Variants in GRIK2 observed in about 807,000 individuals in gnomAD.
GRIK2 encodes the protein glutamate ionotropic receptor kainate type subunit 2.
GRIK2 carries 32 observed loss-of-function variants against 100.3 expected under a neutral mutation model. The observed-to-expected ratio is 0.32, with a 90% confidence interval of 0.24 to 0.43. The LOEUF (loss-of-function observed/expected upper bound fraction) is 0.43, where lower values mean the gene tolerates loss of function less well. GRIK2 is among the 20% of genes least tolerant of loss of function. The pLI is 1.00. For missense variants in GRIK2, 843 were observed against 1,114.9 expected (o/e 0.76, Z 3.47); for synonymous variants, 417 against 389.4 (o/e 1.07, Z -0.83).
At chr6:101,906,026 CAAATATT>C (rs1168029928) in intron 12 of GRIK2, among the ~76,000 whole-genome samples, 2 of 151,502 alleles carry the variant, frequency 1.3e-5, no homozygotes, top group Non-Finnish European at 3.0e-5. Context: ...TTTCTTAACT[CAAATATT>C]AAAGTGCGTT....
chr6:101,685,861 A>T (rs976693953), intron 6 of GRIK2, among the ~76,000 whole-genome samples: 1 of 152,186 alleles, frequency 6.6e-6, no homozygotes, highest in Non-Finnish European at 1.5e-5. Flanking sequence ...ATTAACACAT[A>T]AAATAAGGGC....
intron 16 of GRIK2, among the ~76,000 whole-genome samples, chr6:102,060,480 A>G (rs527302966): frequency 2.0e-5 from 3 of 150,796 alleles, no homozygotes; most frequent in Admixed American, 6.6e-5. Context: ...TCTGTATTTC[A>G]TGGAAACAGA....
intron 7 of GRIK2, among the ~76,000 whole-genome samples, chr6:101,712,341 C>T (rs1003070912): frequency 6.6e-6 from 1 of 151,780 alleles, no homozygotes; most frequent in Non-Finnish European, 1.5e-5. Flanking sequence ...CTAACAAGAT[C>T]CTCAGTGATT....
intron 2 of GRIK2, among the ~76,000 whole-genome samples, chr6:101,588,489 GGT>G (rs137929583): frequency 1 from 152,102 of 152,102 alleles, 76,051 homozygotes; most frequent in Non-Finnish European, 1. Context: ...TCTAAGATAA[GGT>G]TGGAGTAGCA....
At chr6:101,659,201 G>A (rs187958455) in intron 4 of GRIK2, among the ~76,000 whole-genome samples, 1 of 152,256 alleles carries the variant, frequency 6.6e-6, no homozygotes, top group Non-Finnish European at 1.5e-5. Flanking sequence ...AAAGAATAAG[G>A]AAGGGATCCA....
intron 2 of GRIK2, among the ~76,000 whole-genome samples, chr6:101,618,336 A>C (rs996986357): frequency 6.6e-6 from 1 of 151,472 alleles, no homozygotes; most frequent in Admixed American, 6.6e-5. Context: ...TTTCTCTATT[A>C]ATTTTTCATC....
chr6:101,465,768 C>T (rs745438987), intron 2 of GRIK2, among the ~76,000 whole-genome samples: 4 of 152,090 alleles, frequency 2.6e-5, no homozygotes, highest in South Asian at 2.1e-4. Flanking sequence ...AGCGGGACAC[C>T]GATGTTATTT....
At chr6:101,810,567 C>A (rs774926069) in intron 9 of GRIK2, among the ~76,000 whole-genome samples, 1 of 152,032 alleles carries the variant, frequency 6.6e-6, no homozygotes, top group Admixed American at 6.6e-5. Context: ...CAGACAATTG[C>A]TCTGGACTCA....
chr6:101,661,626 G>T (rs182825321), intron 4 of GRIK2, among the ~76,000 whole-genome samples: 3 of 152,228 alleles, frequency 2.0e-5, no homozygotes, highest in Non-Finnish European at 4.4e-5. Context: ...GGAATCTCCT[G>T]GTCTGGTGGT....
intron 9 of GRIK2, among the ~76,000 whole-genome samples, chr6:101,810,794 G>A (rs1208676044): frequency 6.6e-6 from 1 of 151,934 alleles, no homozygotes; most frequent in Non-Finnish European, 1.5e-5. Context: ...AGTGAAGTAA[G>A]GAAAACAAAA....
chr6:101,954,067 G>A (rs528815953), intron 14 of GRIK2, among the ~76,000 whole-genome samples: 2 of 152,214 alleles, frequency 1.3e-5, no homozygotes, highest in East Asian at 3.9e-4. Flanking sequence ...TGACCATAAT[G>A]TAAGGGTTTA....
At chr6:101,641,894 G>A (rs1431664953) in intron 4 of GRIK2, among the ~76,000 whole-genome samples, 1 of 151,736 alleles carries the variant, frequency 6.6e-6, no homozygotes, top group Non-Finnish European at 1.5e-5. Flanking sequence ...TTTTATGTGG[G>A]GTAGAGTAAA....
At chr6:101,877,954 G>A (rs538064968) in intron 11 of GRIK2, among the ~76,000 whole-genome samples, 118 of 151,380 alleles carry the variant, frequency 7.8e-4, no homozygotes, top group South Asian at 1.5e-3. Flanking sequence ...TAGACAACTT[G>A]GTTATGTTCT....
rs1056732499 is a variant in GRIK2, at chr6:101,611,073, G to C, written c.116-10876G>C. Among the ~76,000 whole-genome samples, 3 of 151,234 alleles carry C rather than the reference G, an allele frequency of 2.0e-5. No homozygotes were observed. In the Admixed American group the frequency reaches 2.0e-4, roughly 10 times the overall value. On this transcript the variant is annotated intron_variant, in intron 2 of 16. Transcript: ENST00000369134. ...CATGTGTATTTTGAAGTCCTCCCTTGGATTTTAATGGTCCATTTATAGAAA... is the reference window on the plus strand; with the variant it reads ...CATGTGTATTTTGAAGTCCTCCCTTCGATTTTAATGGTCCATTTATAGAAA...
intron 11 of GRIK2, among the ~76,000 whole-genome samples, chr6:101,887,621 C>A (rs1786746037): frequency 6.6e-6 from 1 of 152,124 alleles, no homozygotes; most frequent in African/African-American, 2.4e-5. Flanking sequence ...ACTTACAGTT[C>A]TGTAAGCTGT....
intron 11 of GRIK2, among the ~76,000 whole-genome samples, chr6:101,870,556 C>G (rs1343591821): frequency 6.6e-6 from 1 of 151,710 alleles, no homozygotes; most frequent in African/African-American, 2.4e-5. Context: ...ATGCTTTACA[C>G]GTAGTCAAGA....
intron 11 of GRIK2, among the ~76,000 whole-genome samples, chr6:101,886,820 C>CTTT (rs3054431): frequency 2.5e-4 from 18 of 73,320 alleles, no homozygotes; most frequent in African/African-American, 6.3e-4. Flanking sequence ...TTCTTTCTAC[C>CTTT]TTTTTTTTTT....
intron 6 of GRIK2, among the ~76,000 whole-genome samples, chr6:101,683,736 A>C (rs1771460891): frequency 6.6e-6 from 1 of 152,190 alleles, no homozygotes; most frequent in Non-Finnish European, 1.5e-5. Context: ...TATACTGTAA[A>C]ACACTTTTAA....
intron 14 of GRIK2, among the ~76,000 whole-genome samples, chr6:102,013,441 A>G (rs1388549789): frequency 6.6e-6 from 1 of 152,012 alleles, no homozygotes; most frequent in African/African-American, 2.4e-5. Flanking sequence ...CTCATGCCAC[A>G]TTGCTCTTGT....
Sources: gnomAD v4.1 joint callset for allele counts (sites outside exome capture counted in the v4.1 genomes callset) on GRCh38, gnomAD v4.1.1 for gene constraint, MANE v1.5 for transcripts, NCBI Gene and HGNC (gene_info 2026-07-23, HGNC 2026-07-21) for gene names.